Variants in TULP4 observed in about 807,000 individuals in gnomAD.
TULP4 encodes TUB like protein 4, also known as tubby-related protein 4.
TULP4 carries 16 observed loss-of-function variants against 129.0 expected under a neutral mutation model. The observed-to-expected ratio is 0.12, with a 90% CI of 0.08 to 0.19. TULP4 has a LOEUF of 0.19. Ranked by LOEUF, TULP4 falls within the 10% of genes least tolerant of loss-of-function variation. The pLI is 1.00. For missense variants in TULP4, 1,842 were observed against 2,059.1 expected (o/e 0.89, Z 2.04); for synonymous variants, 998 against 854.0 (o/e 1.17, Z -2.94).
At chr6:158,387,838 A>C (rs1291204535) in intron 1 of TULP4, among the ~76,000 whole-genome samples, 1 of 152,216 alleles carries the variant, frequency 6.6e-6, no homozygotes. Flanking sequence ...AGTAGTGTGC[A>C]CTGCCTCTTA....
intron 1 of TULP4, among the ~76,000 whole-genome samples, chr6:158,353,920 C>T (rs1264863389): frequency 2.0e-5 from 3 of 152,176 alleles, no homozygotes; most frequent in Non-Finnish European, 4.4e-5. Context: ...TTTATGTGGG[C>T]GCTTGTTGAG....
chr6:158,367,883 G>C (rs1321064713), intron 1 of TULP4, among the ~76,000 whole-genome samples: 1 of 149,550 alleles, frequency 6.7e-6, no homozygotes, highest in Non-Finnish European at 1.5e-5. Flanking sequence ...TTTGAGACCA[G>C]CCTGGGCAAC....
intron 1 of TULP4, among the ~76,000 whole-genome samples, chr6:158,408,822 C>A (rs1778023769): frequency 6.6e-6 from 1 of 152,228 alleles, no homozygotes; most frequent in Admixed American, 6.5e-5. Context: ...CCACATGTGT[C>A]TACAATTAAA....
In TULP4 at chr6:158,364,003, A is replaced by G. The variant is rs551011932; in HGVS notation, c.253-49062A>G. On this transcript the variant is annotated intron_variant, in intron 1 of 13. Transcript: ENST00000367097. ...TTACCTTTCAAAATAAATTAAAAAA[A>G]CCCACAATTTTGTGTTAAATATGGA... is the stretch of plus-strand genomic sequence containing the variant. 7.9e-5 allele frequency among the ~76,000 whole-genome samples: 12 copies of G among 152,302 alleles called. No individual in the cohort carries two copies. In the East Asian group the frequency reaches 2.3e-3, roughly 29 times the overall value.
rs766393090 is a variant in TULP4 at position 158,328,079 on chromosome 6, G to GGTGTGTGTGT, written c.252+13851_252+13860dup. 3.1e-3 allele frequency among the ~76,000 whole-genome samples: 373 copies of GGTGTGTGTGT among 120,548 alleles called. 8 individuals are homozygous for GGTGTGTGTGT. Among genetic ancestry groups the GGTGTGTGTGT allele is most frequent in the East Asian group, 0.029 (96 of 3,336 alleles). 79.1% of individuals were successfully genotyped at this position (120,548 alleles called of 152,430 possible). ...TCCTGTTGCCAGCATTCTCAGAGCT[G>GGTGTGTGTGT]GTGTGTGTGTGTGTGTGTGTGTGTG... On this transcript the variant is annotated intron_variant, in intron 1 of 13. Coordinates refer to ENST00000367097, the MANE Select transcript of TULP4 (RefSeq NM_020245.5).
chr6:158,307,295 A>G (rs1779230809), intron 1 of TULP4, among the ~76,000 whole-genome samples: 1 of 152,206 alleles, frequency 6.6e-6, no homozygotes, highest in Admixed American at 6.5e-5. Context: ...CACATATATA[A>G]TTGGAAAAGA....
rs1779391609 is a variant in TULP4, at chr6:158,312,813, A to C, written c.-1204A>C. The C allele has an allele frequency of 6.6e-6, 1 of 152,234 alleles. No individual in the cohort carries two copies. The highest frequency in any genetic ancestry group is 2.4e-5 in the African/African-American group (1 of 41,456). 9.4% of individuals were successfully genotyped at this position (152,234 alleles called of 1,614,324 possible). On this transcript the variant is annotated 5_prime_UTR_variant, in exon 1 of 14. Coordinates refer to ENST00000367097, the MANE Select transcript of TULP4 (RefSeq NM_020245.5). ...GACTAGTGGTGTGGTGTTTGGAGAC[A>C]GTCTCTGAATGTGAACAGGAAAGCA...
At chr6:158,373,344 G>A (rs1305727079) in intron 1 of TULP4, among the ~76,000 whole-genome samples, 3 of 152,180 alleles carry the variant, frequency 2.0e-5, no homozygotes, top group Non-Finnish European at 2.9e-5. Context: ...GAAAGTGGAG[G>A]AGCTGGCGCT....
intron 1 of TULP4, among the ~76,000 whole-genome samples, chr6:158,255,286 A>C (rs1230202069): frequency 6.6e-6 from 1 of 152,118 alleles, no homozygotes; most frequent in Non-Finnish European, 1.5e-5. Flanking sequence ...TGTCGAGTGC[A>C]TATCTAATGT....
chr6:158,489,001 C>T (rs1393247972), intron 8 of TULP4, among the ~76,000 whole-genome samples: 1 of 152,178 alleles, frequency 6.6e-6, no homozygotes, highest in African/African-American at 2.4e-5. Flanking sequence ...GAGTTCCCAC[C>T]GCACAGGTTT....
chr6:158,422,835 C>A (rs528503711), intron 2 of TULP4, among the ~76,000 whole-genome samples: 7 of 152,348 alleles, frequency 4.6e-5, no homozygotes, highest in Admixed American at 2.0e-4. Context: ...TATGCAAATG[C>A]AGGACGCCAA....
chr6:158,304,077 G>A lies in TULP4; in HGVS notation n.117-7974G>A, dbSNP rs1418561240. Among the ~76,000 whole-genome samples, 3 of 152,204 alleles carry A rather than the reference G, an allele frequency of 2.0e-5. No individual in the cohort carries two copies. In the East Asian group the frequency reaches 5.8e-4, roughly 29 times the overall value. The stretch of plus-strand genomic sequence containing the variant: ...GGGGACAAGAGAGGGAGAGAACACA[G>A]CACAGGGGCCTTGTGTATAATATTA... On this transcript the variant is annotated intron_variant and non_coding_transcript_variant, in intron 1 of 1. Transcript: ENST00000432358.
intron 1 of TULP4, among the ~76,000 whole-genome samples, chr6:158,380,910 AAAG>A (rs1554285870): frequency 5.0e-4 from 67 of 135,128 alleles, no homozygotes; most frequent in Non-Finnish European, 1.0e-3. Flanking sequence ...AAAAAAAAAA[AAAG>A]AAGAAGAAGA....
At chr6:158,428,860 G>A (rs1039592239) in intron 2 of TULP4, among the ~76,000 whole-genome samples, 1 of 152,184 alleles carries the variant, frequency 6.6e-6, no homozygotes, top group Non-Finnish European at 1.5e-5. Context: ...AGTCTTCTCT[G>A]TAGATGAGAA....
intron 1 of TULP4, among the ~76,000 whole-genome samples, chr6:158,315,796 C>T (rs1207179403): frequency 6.6e-6 from 1 of 152,222 alleles, no homozygotes; most frequent in Non-Finnish European, 1.5e-5. Flanking sequence ...GTTCCTGTGT[C>T]CTCACATGGT....
intron 11 of TULP4, among the ~76,000 whole-genome samples, chr6:158,496,511 A>G (rs1242085474): frequency 6.6e-6 from 1 of 152,248 alleles, no homozygotes; most frequent in African/African-American, 2.4e-5. Flanking sequence ...ACAATGGACC[A>G]TCCCTGTACA....
At chr6:158,359,524 C>T (rs1025045910) in intron 1 of TULP4, among the ~76,000 whole-genome samples, 2 of 152,116 alleles carry the variant, frequency 1.3e-5, no homozygotes, top group East Asian at 1.9e-4. Context: ...GCGTCCAGCA[C>T]GGGAGAAAGA....
At chr6:158,266,495 A>G (rs1443610097) in intron 1 of TULP4, among the ~76,000 whole-genome samples, 2 of 152,148 alleles carry the variant, frequency 1.3e-5, no homozygotes, top group Admixed American at 6.5e-5. Context: ...GGCTCTAGCA[A>G]TCTGCCCATC....
chr6:158,271,343 CTTG>C (rs1778542652), intron 1 of TULP4, among the ~76,000 whole-genome samples: 1 of 151,940 alleles, frequency 6.6e-6, no homozygotes, highest in East Asian at 1.9e-4. Context: ...TGTGTCATGA[CTTG>C]TTGATGAGGA....
Sources: gnomAD v4.1 joint callset for allele counts (sites outside exome capture counted in the v4.1 genomes callset) on GRCh38, gnomAD v4.1.1 for gene constraint, MANE v1.5 for transcripts, NCBI Gene and HGNC (gene_info 2026-07-23, HGNC 2026-07-21) for gene names.